HDX: variants seen among roughly 807,000 people sequenced by gnomAD.
HDX encodes the protein chromosome X open reading frame 43.
Under a neutral mutation model 45.2 loss-of-function variants are expected in HDX, and 19 were observed. The ratio of observed to expected loss-of-function variants is 0.42; its 90% CI spans 0.29 to 0.62. The LOEUF is 0.62. Among genes scored for constraint, HDX ranks in the 20% least tolerant of loss-of-function variants. The probability of loss-of-function intolerance (pLI) is 0.20; values close to 1 mark genes in which losing one functional copy is unlikely to be tolerated. For missense variants in HDX, 532 were observed against 493.9 expected, an observed-to-expected ratio of 1.08 and a Z score of -0.73; for synonymous variants, 188 against 172.8, an observed-to-expected ratio of 1.09 and a Z score of -0.69.
At chrX:84,453,098 ACT>A (rs2040036837) in intron 4 of HDX, among the ~76,000 whole-genome samples, 1 of 112,228 alleles carries the variant, frequency 8.9e-6, no homozygotes, top group Non-Finnish European at 1.9e-5. Context: ...TACACGACAG[ACT>A]CAAACAACTC....
intron 5 of HDX, among the ~76,000 whole-genome samples, chrX:84,366,449 C>T (rs1268522026): frequency 8.9e-6 from 1 of 111,732 alleles, no homozygotes; most frequent in African/African-American, 3.3e-5. Flanking sequence ...ATCAAGCTAC[C>T]ATTGACTTTC....
rs1219365228 is a variant in HDX at position 84,320,678 on chromosome X, T to A, written c.*1211A>T. On this transcript the variant is annotated 3_prime_UTR_variant, in exon 11 of 11. Coordinates refer to ENST00000373177, the MANE Select transcript of HDX (RefSeq NM_001177479.2). Reference sequence around the variant, plus strand: ...CTGCCAAGTCACAAATATATGACACTGTGGGCTTAGGGAGAAACTGACATT... The same window carrying A: ...CTGCCAAGTCACAAATATATGACACAGTGGGCTTAGGGAGAAACTGACATT... The A allele has an allele frequency of 9.0e-6, 1 of 110,756 alleles. No individual in the cohort carries two copies. Among genetic ancestry groups the A allele is most frequent in the African/African-American group, 3.3e-5 (1 of 30,675 alleles). The allele number at this position is 110,756 out of a possible 1,213,427, so 9.1% of individuals were successfully genotyped here. A position where few individuals can be genotyped will look rare whatever the true frequency, so the allele number is the denominator to read the frequency against.
chrX:84,364,627 C>T (rs544489226), intron 5 of HDX, among the ~76,000 whole-genome samples: 1 of 105,759 alleles, frequency 9.5e-6, no homozygotes, highest in East Asian at 3.0e-4. Flanking sequence ...CTTAGCCTCC[C>T]GAGTAGCCAG....
intron 5 of HDX, among the ~76,000 whole-genome samples, chrX:84,383,990 T>C (rs1207791544): frequency 2.7e-5 from 3 of 110,904 alleles, no homozygotes; most frequent in Non-Finnish European, 5.7e-5. Flanking sequence ...TTTACGATTG[T>C]GAATATTGCT....
chrX:84,327,923 A>T (rs1381200937), intron 9 of HDX, among the ~76,000 whole-genome samples: 1 of 110,808 alleles, frequency 9.0e-6, no homozygotes, highest in Non-Finnish European at 1.9e-5. Context: ...TACTGTGCTC[A>T]AGGGATCCTC....
At chrX:84,473,419 T>G (rs773587097) in intron 3 of HDX, among the ~76,000 whole-genome samples, 11 of 109,318 alleles carry the variant, frequency 1.0e-4, no homozygotes, top group Non-Finnish European at 1.9e-4. Flanking sequence ...GGAAAACCCA[T>G]CAAATATGTG....
intron 2 of HDX, among the ~76,000 whole-genome samples, chrX:84,478,591 T>G (rs921449200): frequency 8.9e-6 from 1 of 112,211 alleles, no homozygotes; most frequent in Non-Finnish European, 1.9e-5. Flanking sequence ...AAACAAGATA[T>G]TCTAAATGGG....
intron 5 of HDX, among the ~76,000 whole-genome samples, chrX:84,386,185 G>T (rs2038317191): frequency 9.0e-6 from 1 of 111,358 alleles, no homozygotes; most frequent in Non-Finnish European, 1.9e-5. Flanking sequence ...AGTCAAACTT[G>T]CATCTCAGGA....
In HDX at chrX:84,448,328, G is replaced by A. The variant is rs148734467; in HGVS notation, c.1252-7743C>T. Among the ~76,000 whole-genome samples the A allele has an allele frequency of 4.9e-3, 546 of 111,199 alleles. 3 individuals are homozygous for A. Among genetic ancestry groups the A allele is most frequent in the Non-Finnish European group, 8.5e-3 (452 of 52,951 alleles). On this transcript the variant is annotated intron_variant, in intron 4 of 10. Transcript: ENST00000373177. ...CATCCAGGACATGGCCAGCACCTGAGGAAGCTGGCTGGAGGCCCAAGAATC... is the reference window on the plus strand; with the variant it reads ...CATCCAGGACATGGCCAGCACCTGAAGAAGCTGGCTGGAGGCCCAAGAATC...
At chrX:84,422,219 A>C (rs905949955) in intron 5 of HDX, among the ~76,000 whole-genome samples, 1 of 112,165 alleles carries the variant, frequency 8.9e-6, no homozygotes, top group Non-Finnish European at 1.9e-5. Context: ...ATAACAAAAG[A>C]AATTTTGGAA....
At chrX:84,364,000 A>T (rs2147855439) in intron 5 of HDX, among the ~76,000 whole-genome samples, 1 of 111,775 alleles carries the variant, frequency 8.9e-6, no homozygotes, top group Admixed American at 9.6e-5. Context: ...AAGTGACTTC[A>T]CTTGGCTTAT....
chrX:84,466,056 T>C (rs2040347053), intron 4 of HDX, among the ~76,000 whole-genome samples: 1 of 112,161 alleles, frequency 8.9e-6, no homozygotes, highest in Admixed American at 9.5e-5. Flanking sequence ...TCTGATATAG[T>C]ATAACAATGG....
intron 5 of HDX, among the ~76,000 whole-genome samples, chrX:84,373,479 T>A (rs2037953000): frequency 9.0e-6 from 1 of 110,834 alleles, no homozygotes; most frequent in Admixed American, 9.6e-5. Context: ...TAGACCAATA[T>A]CCTTGATGAA....
intron 2 of HDX, among the ~76,000 whole-genome samples, chrX:84,485,541 G>A (rs1400148012): frequency 9.0e-6 from 1 of 111,225 alleles, no homozygotes; most frequent in East Asian, 2.8e-4. Context: ...GGGATTATAG[G>A]CATGCATCAC....
intron 3 of HDX, among the ~76,000 whole-genome samples, chrX:84,469,929 T>A (rs933633603): frequency 6.3e-5 from 7 of 111,923 alleles, no homozygotes; most frequent in African/African-American, 2.3e-4. Flanking sequence ...GTAGATAAAG[T>A]TTATATGCAA....
chrX:84,391,114 C>T (rs1236367713), intron 5 of HDX, among the ~76,000 whole-genome samples: 1 of 111,643 alleles, frequency 9.0e-6, no homozygotes, highest in African/African-American at 3.3e-5. Flanking sequence ...TCACCCCTCC[C>T]ATCCACACTA....
chrX:84,433,223 T>C (rs1002151702), intron 5 of HDX, among the ~76,000 whole-genome samples: 4 of 111,637 alleles, frequency 3.6e-5, no homozygotes, highest in African/African-American at 6.5e-5. Context: ...TGAGGTCTTA[T>C]TGATAAAATG....
At chrX:84,490,052 T>C (rs1569375927) in intron 1 of HDX, among the ~76,000 whole-genome samples, 1 of 112,067 alleles carries the variant, frequency 8.9e-6, no homozygotes, top group African/African-American at 3.2e-5. Flanking sequence ...GTCCATTTCC[T>C]TTAAGTTATG....
rs750239080 is a variant in HDX at position 84,469,619 on chromosome X, A to G, written c.148-44T>C. The G allele has an allele frequency of 2.1e-5, 22 of 1,065,962 alleles. No individual in the cohort carries two copies. The East Asian group carries it at 6.8e-4, about 33-fold the overall frequency. The allele number at this position is 1,065,962 out of a possible 1,213,427, so 87.8% of individuals were successfully genotyped here. A position where few individuals can be genotyped will look rare whatever the true frequency, so the allele number is the denominator to read the frequency against. The stretch of plus-strand genomic sequence containing the variant: ...GTATTATGAAAAAAAAATTAAAAAC[A>G]AACGAAGAAAAAACAAATTTTACGT... On this transcript the variant is annotated intron_variant, in intron 3 of 10. Transcript: ENST00000373177.
Sources: gnomAD v4.1 joint callset for allele counts (sites outside exome capture counted in the v4.1 genomes callset) on GRCh38, gnomAD v4.1.1 for gene constraint, MANE v1.5 for transcripts, NCBI Gene and HGNC (gene_info 2026-07-23, HGNC 2026-07-21) for gene names.